The following HAPSTR1 variants were observed in gnomAD, a reference collection of about 807,000 sequenced individuals.
HAPSTR1 encodes HUWE1-associated protein modifying stress responses 1.
chr16:9,106,265 G>T, the HAPSTR1 span: 7 of 151,742 alleles, frequency 4.6e-5, no homozygotes, highest in African/African-American at 1.7e-4. Context: ...AAAAAGTAAG[G>T]CATATCAATT....
chr16:9,112,909 C>A, the HAPSTR1 span: 1 of 151,632 alleles, frequency 6.6e-6, no homozygotes, highest in South Asian at 2.1e-4. Context: ...AATCATGCTA[C>A]TTGTTCTGCT....
chr16:9,102,792 T>G, the HAPSTR1 span, among the ~76,000 whole-genome samples: 58 of 152,324 alleles, frequency 3.8e-4, no homozygotes, highest in South Asian at 4.1e-4. Context: ...ACACTGAATT[T>G]AGACCATTAA....
chr16:9,093,229 C>T, the HAPSTR1 span, among the ~76,000 whole-genome samples: 2 of 152,152 alleles, frequency 1.3e-5, no homozygotes, highest in African/African-American at 2.4e-5. Context: ...TTTTGGTTGG[C>T]TTCTCCTAGA....
the HAPSTR1 span, chr16:9,103,092 G>A: frequency 2.8e-5 from 46 of 1,614,068 alleles, no homozygotes; most frequent in African/African-American, 4.3e-4. Flanking sequence ...AGAACTATTC[G>A]TCGAGAAGAT....
the HAPSTR1 span, among the ~76,000 whole-genome samples, chr16:9,114,264 T>TC: frequency 6.6e-6 from 1 of 151,986 alleles, no homozygotes; most frequent in South Asian, 2.1e-4. Context: ...GGGAAACGTG[T>TC]GTGGGTAAGG....
At chr16:9,116,715 G>A in the HAPSTR1 span, 1 of 1,614,152 alleles carries the variant, frequency 6.2e-7, no homozygotes, top group Non-Finnish European at 8.5e-7. Flanking sequence ...GAGTACCCCA[G>A]GCTCTCCTAC....
the HAPSTR1 span, chr16:9,117,915 A>G: frequency 6.5e-6 from 1 of 152,724 alleles, no homozygotes; most frequent in African/African-American, 2.4e-5. Context: ...TAATAATGTG[A>G]TTGCAACTTA....
At chr16:9,108,023 G>C in the HAPSTR1 span, 5 of 152,166 alleles carry the variant, frequency 3.3e-5, no homozygotes, top group African/African-American at 1.2e-4. Context: ...TCCCCAGATA[G>C]CTACAATCAG....
chr16:9,102,544 T>G, the HAPSTR1 span, among the ~76,000 whole-genome samples: 1 of 152,240 alleles, frequency 6.6e-6, no homozygotes, highest in Non-Finnish European at 1.5e-5. Context: ...TCTAAAACAT[T>G]TGCTGCTGCC....
At chr16:9,107,901 G>C in the HAPSTR1 span, 1 of 151,906 alleles carries the variant, frequency 6.6e-6, no homozygotes, top group Non-Finnish European at 1.5e-5. Flanking sequence ...ACATAGCAAA[G>C]AACCTGACAT....
chr16:9,093,288 C>T, the HAPSTR1 span, among the ~76,000 whole-genome samples: 1 of 152,158 alleles, frequency 6.6e-6, no homozygotes, highest in Admixed American at 6.5e-5. Flanking sequence ...GAAGGTCCTG[C>T]AGTGCCCAAG....
chr16:9,117,792 G>C, the HAPSTR1 span: 1 of 152,520 alleles, frequency 6.6e-6, no homozygotes, highest in African/African-American at 2.4e-5. Flanking sequence ...AGAGGGAGAT[G>C]GATGGTGGGG....
the HAPSTR1 span, chr16:9,092,158 GC>G: frequency 6.4e-7 from 1 of 1,565,478 alleles, no homozygotes; most frequent in Non-Finnish European, 8.7e-7. Flanking sequence ...ACGAGCAGCT[GC>G]CCCCCGAGCT....
chr16:9,098,033 T>A, the HAPSTR1 span, among the ~76,000 whole-genome samples: 1 of 152,156 alleles, frequency 6.6e-6, no homozygotes, highest in Non-Finnish European at 1.5e-5. Flanking sequence ...ACAGTGGTTA[T>A]TAAGATGCTC....
chr16:9,114,611 A>C, the HAPSTR1 span, among the ~76,000 whole-genome samples: 3 of 152,158 alleles, frequency 2.0e-5, no homozygotes, highest in Non-Finnish European at 2.9e-5. Flanking sequence ...AAGTGAAGAG[A>C]GCAGGAAGGG....
At chr16:9,094,141 A>G in the HAPSTR1 span, among the ~76,000 whole-genome samples, 7 of 152,270 alleles carry the variant, frequency 4.6e-5, no homozygotes, top group South Asian at 1.2e-3. Context: ...TGAGTAGACT[A>G]CAGTTTTTTG....
the HAPSTR1 span, chr16:9,106,788 T>C: frequency 2.2e-4 from 34 of 152,264 alleles, no homozygotes; most frequent in African/African-American, 7.9e-4. Flanking sequence ...TGCTTTGTTA[T>C]CCTATAATAA....
At chr16:9,112,646 T>C in the HAPSTR1 span, 1 of 152,268 alleles carries the variant, frequency 6.6e-6, no homozygotes, top group Non-Finnish European at 1.5e-5. Flanking sequence ...ATGTAATTAA[T>C]GCTGCAAACA....
At chr16:9,101,074 T>G in the HAPSTR1 span, among the ~76,000 whole-genome samples, 7 of 152,378 alleles carry the variant, frequency 4.6e-5, no homozygotes, top group African/African-American at 1.4e-4. Flanking sequence ...TTAACACATT[T>G]TACATTTATC....
Sources: allele counts gnomAD v4.1 joint callset (sites outside exome capture counted in the v4.1 genomes callset), GRCh38; gene constraint gnomAD v4.1.1; transcripts MANE v1.5; gene names NCBI Gene and HGNC (gene_info 2026-07-23, HGNC 2026-07-21).